CD2AP: variants seen among roughly 807,000 people sequenced by gnomAD.
CD2AP encodes the protein CD2 associated protein.
In CD2AP, 46 loss-of-function variants were observed where a neutral mutation model predicts 85.1. The ratio of observed to expected loss-of-function variants is 0.54; its 90% CI spans 0.43 to 0.69. The LOEUF (loss-of-function observed/expected upper bound fraction) is 0.69. CD2AP is among the 30% of genes least tolerant of loss of function. The pLI is 0.00. For synonymous variants in CD2AP, 255 were observed against 252.9 expected (o/e 1.01, Z -0.08); for missense variants, 769 against 729.5 (o/e 1.05, Z -0.62).
chr6:47,554,747 T>A lies in CD2AP; in HGVS notation c.522T>A (p.His174Gln), dbSNP rs765668592. 1.2e-6 allele frequency: 2 copies of A among 1,613,396 alleles called. No individual in the cohort carries two copies. The highest frequency in any genetic ancestry group is 2.7e-5 in the African/African-American group (2 of 74,920). Residue 174 changes from histidine (H) to glutamine (Q), a missense_variant, in exon 5 of 18, where the codon CAT (histidine) becomes CAA (glutamine). By Grantham distance (24) the His-to-Gln change is conservative. Coordinates refer to ENST00000359314, the MANE Select transcript of CD2AP (RefSeq NM_012120.3). ...AGGTAACAGATGATGGTGAAACTCA[T>A]GAAGCCCAGGACGATTCAGGTAGAC... ...ELEVTDDGET[H>Q]EAQDDSETVL... is the part of the protein sequence containing the mutation.
At position 47,625,887 on chromosome 6, in the gene CD2AP, TGAG is replaced by T. The variant is rs1769895043; in HGVS notation, c.*1662_*1664del. On this transcript the variant is annotated 3_prime_UTR_variant, in exon 18 of 18. Coordinates refer to ENST00000359314, the MANE Select transcript of CD2AP (RefSeq NM_012120.3). ...AACTCTTCAAAATGGGCTCTTCTAA[TGAG>T]GTCACTACTGAACAAAATTGTTCCC... 1 of 151,918 alleles carries T rather than the reference TGAG, an allele frequency of 6.6e-6. No individual in the cohort carries two copies. The highest frequency in any genetic ancestry group is 1.5e-5 in the Non-Finnish European group (1 of 67,782). 9.4% of individuals were successfully genotyped at this position (151,918 alleles called of 1,614,324 possible).
At chr6:47,594,094 T>C (rs1768872053) in intron 11 of CD2AP, among the ~76,000 whole-genome samples, 1 of 152,088 alleles carries the variant, frequency 6.6e-6, no homozygotes, top group Non-Finnish European at 1.5e-5. Context: ...GGTAAATCCA[T>C]AGAAGATAGA....
At chr6:47,533,806 T>G (rs747883790) in intron 3 of CD2AP, 51 bp downstream of exon 3, 1 of 1,576,844 alleles carries the variant, frequency 6.3e-7, no homozygotes, top group Admixed American at 1.7e-5. Flanking sequence ...AGAAGGATAT[T>G]TTATAACTGT....
chr6:47,544,788 A>G (rs1159373258), intron 4 of CD2AP, 82 bp downstream of exon 4: 1 of 858,346 alleles, frequency 1.2e-6, no homozygotes, highest in Non-Finnish European at 2.0e-6. Flanking sequence ...TAAGAATATT[A>G]GTCTTTTGTG....
Position 47,555,984 on chromosome 6 carries a change from T to A in CD2AP, c.541+1218T>A, listed in dbSNP as rs551589501. Among the ~76,000 whole-genome samples, 46 of 152,062 alleles carry A rather than the reference T, an allele frequency of 3.0e-4. No homozygotes were observed. The South Asian group carries it at 9.1e-3, about 30-fold the overall frequency. On this transcript the variant is annotated intron_variant, in intron 5 of 17. Transcript: ENST00000359314. Reference sequence around the variant, plus strand: ...TGAAATTAAGTAGGAAAACATAAAGTTGGTATAGCAAATGGGTTTATAAAC... The same window carrying A: ...TGAAATTAAGTAGGAAAACATAAAGATGGTATAGCAAATGGGTTTATAAAC...
Position 47,606,419 on chromosome 6 carries a change from G to C in CD2AP, c.1530+142G>C. On this transcript the variant is annotated intron_variant, in intron 14 of 17. Coordinates refer to ENST00000359314, the MANE Select transcript of CD2AP (RefSeq NM_012120.3). ...TCAAGTGGCAAATGCTGGTATTTAAGGAGATAGAGGGAGAGAGGTGTGTTC... is the reference window on the plus strand; with the variant it reads ...TCAAGTGGCAAATGCTGGTATTTAACGAGATAGAGGGAGAGAGGTGTGTTC... 4.5e-6 allele frequency: 3 copies of C among 667,560 alleles called. No homozygotes were observed. The South Asian group carries it at 4.9e-5, about 11-fold the overall frequency. The allele number at this position is 667,560 out of a possible 1,614,324, so 41.4% of individuals were successfully genotyped here.
intron 11 of CD2AP, among the ~76,000 whole-genome samples, chr6:47,591,521 G>C (rs531467367): frequency 6.6e-6 from 1 of 152,066 alleles, no homozygotes; most frequent in South Asian, 2.1e-4. Flanking sequence ...TTTCTCTAAG[G>C]CATCTCCAAG....
chr6:47,575,378 AT>A (rs1768278937), intron 6 of CD2AP, among the ~76,000 whole-genome samples: 5 of 152,276 alleles, frequency 3.3e-5, no homozygotes, highest in Admixed American at 2.6e-4. Flanking sequence ...TTGATTAATG[AT>A]TATATTATCT....
intron 1 of CD2AP, chr6:47,489,164 GTTTTTTTT>G (rs201094245): frequency 0.32 from 40,513 of 125,578 alleles, 5,555 homozygotes; most frequent in Middle Eastern, 0.47. Context: ...CACTCAACTA[GTTTTTTTT>G]TTTTTTTTTT....
chr6:47,535,716 C>T (rs901349944), intron 3 of CD2AP, among the ~76,000 whole-genome samples: 1 of 152,106 alleles, frequency 6.6e-6, no homozygotes, highest in African/African-American at 2.4e-5. Flanking sequence ...TCTGAAACTG[C>T]TTGGAGACTG....
At chr6:47,494,523 C>G (rs145656867) in intron 1 of CD2AP, among the ~76,000 whole-genome samples, 7 of 152,246 alleles carry the variant, frequency 4.6e-5, no homozygotes, top group African/African-American at 1.7e-4. Context: ...GTATACAGCC[C>G]CTGACAGTCT....
chr6:47,625,204 A>T lies in CD2AP; in HGVS notation c.*977A>T, dbSNP rs1769879942. The T allele has an allele frequency of 2.6e-5, 4 of 151,902 alleles. No homozygotes were observed. The highest frequency in any genetic ancestry group is 9.7e-5 in the African/African-American group (4 of 41,436). 9.4% of individuals were successfully genotyped at this position (151,902 alleles called of 1,614,324 possible). A position where few individuals can be genotyped will look rare whatever the true frequency, so the allele number is the denominator to read the frequency against. Reference sequence around the variant, plus strand: ...CTGACTTTTAATAATGGTAATAGGAAAACAAAACCCAAAGCTTTTCAGAAC... The same window carrying T: ...CTGACTTTTAATAATGGTAATAGGATAACAAAACCCAAAGCTTTTCAGAAC... On this transcript the variant is annotated 3_prime_UTR_variant, in exon 18 of 18. Coordinates refer to ENST00000359314, the MANE Select transcript of CD2AP (RefSeq NM_012120.3).
intron 16 of CD2AP, 45 bp downstream of exon 16, chr6:47,609,349 C>A: frequency 6.9e-7 from 1 of 1,453,752 alleles, no homozygotes; most frequent in Non-Finnish European, 9.7e-7. Flanking sequence ...TTAACCCATG[C>A]ATAAAGAATT....
intron 4 of CD2AP, among the ~76,000 whole-genome samples, chr6:47,553,749 T>C: frequency 6.6e-6 from 1 of 152,136 alleles, no homozygotes; most frequent in East Asian, 1.9e-4. Flanking sequence ...ATATTAAAAA[T>C]TTCATAGAAA....
intron 2 of CD2AP, among the ~76,000 whole-genome samples, chr6:47,513,872 C>T (rs1766382012): frequency 7.4e-6 from 1 of 135,164 alleles, no homozygotes; most frequent in Non-Finnish European, 1.6e-5. Context: ...TACCATCAGA[C>T]TTTAAAAAAA....
At chr6:47,514,432 T>C (rs1766400894) in intron 2 of CD2AP, among the ~76,000 whole-genome samples, 2 of 152,186 alleles carry the variant, frequency 1.3e-5, no homozygotes, top group Admixed American at 1.3e-4. Context: ...TAGACTAAAG[T>C]AGAGAATAAA....
At chr6:47,584,592 A>G (rs1438445738) in intron 11 of CD2AP, among the ~76,000 whole-genome samples, 1 of 152,150 alleles carries the variant, frequency 6.6e-6, no homozygotes, top group Non-Finnish European at 1.5e-5. Flanking sequence ...TACTAAATGT[A>G]GCACTCACTC....
chr6:47,525,147 G>A (rs1277694298), intron 2 of CD2AP, among the ~76,000 whole-genome samples: 2 of 151,860 alleles, frequency 1.3e-5, no homozygotes, highest in East Asian at 3.9e-4. Flanking sequence ...ATCATTTCTA[G>A]ACTATTTTTT....
chr6:47,485,232 T>C (rs1323645040), intron 1 of CD2AP, among the ~76,000 whole-genome samples: 6 of 152,194 alleles, frequency 3.9e-5, no homozygotes, highest in Non-Finnish European at 7.4e-5. Flanking sequence ...TCAGGGGGTA[T>C]TCCAGAAAAA....
Sources: gnomAD v4.1 joint callset for allele counts (sites outside exome capture counted in the v4.1 genomes callset) on GRCh38, gnomAD v4.1.1 for gene constraint, MANE v1.5 for transcripts, NCBI Gene and HGNC (gene_info 2026-07-23, HGNC 2026-07-21) for gene names.